TRAPPC6B: variants seen among roughly 807,000 people sequenced by gnomAD.
TRAPPC6B encodes TRAPP complex subunit 6B.
Under a neutral mutation model 24.7 loss-of-function variants are expected in TRAPPC6B, and 27 were observed. The observed-to-expected ratio is 1.09, with a 90% CI of 0.81 to 1.51. The LOEUF is 1.51. Among genes scored for constraint, TRAPPC6B ranks in the 40% most tolerant of loss-of-function variants. TRAPPC6B has a pLI of 0.00. For missense variants in TRAPPC6B, 212 were observed against 190.8 expected (o/e 1.11, Z -0.66); for synonymous variants, 80 against 66.6 (o/e 1.20, Z -0.98).
chr14:39,154,209 A>T lies in TRAPPC6B; in HGVS notation c.351+2T>A. 6.2e-7 allele frequency: 1 copy of T among 1,602,062 alleles called. No homozygotes were observed. The highest frequency in any genetic ancestry group is 1.3e-5 in the African/African-American group (1 of 74,752). ...AACCCCAACTTCTATTCCATTAAAT[A>T]CCTTAGATGCATGTTCTAAATACTG... is the stretch of plus-strand genomic sequence containing the variant. On this transcript the variant is annotated splice_donor_variant, in intron 4 of 5. Transcript: ENST00000330149. LOFTEE classifies it high-confidence loss of function.
chr14:39,156,370 A>G lies in TRAPPC6B; in HGVS notation c.267+1915T>C, dbSNP rs188838913. On this transcript the variant is annotated intron_variant, in intron 3 of 5. Coordinates refer to ENST00000330149, the MANE Select transcript of TRAPPC6B (RefSeq NM_001079537.2). Reference sequence around the variant, plus strand: ...TTATCCTATTGAGAGTACCAGATACATTTAATTTTTTACTTAATCAAAATT... The same window carrying G: ...TTATCCTATTGAGAGTACCAGATACGTTTAATTTTTTACTTAATCAAAATT... Among the ~76,000 whole-genome samples the G allele has an allele frequency of 6.6e-5, 10 of 152,340 alleles. No homozygotes were observed. In the East Asian group the frequency reaches 1.5e-3, roughly 23 times the overall value.
At chr14:39,151,985 A>G (rs1294933086) in intron 4 of TRAPPC6B, 146 bp from the exon 5 acceptor site, 1 of 604,346 alleles carries the variant, frequency 1.7e-6, no homozygotes, top group Non-Finnish European at 2.8e-6. Context: ...TTACTGAAAA[A>G]TATTGATATA....
chr14:39,164,308 C>T (rs115904468), intron 1 of TRAPPC6B, among the ~76,000 whole-genome samples: 4,564 of 152,110 alleles, frequency 0.03, 236 homozygotes, highest in African/African-American at 0.1. Flanking sequence ...TTTACCGACA[C>T]GGAAAAACCC....
chr14:39,157,325 G>A (rs552310790), intron 3 of TRAPPC6B: 4 of 361,244 alleles, frequency 1.1e-5, no homozygotes, highest in East Asian at 7.3e-5. Flanking sequence ...GCCCTGCACC[G>A]CCAAATAGCT....
intron 1 of TRAPPC6B, among the ~76,000 whole-genome samples, chr14:39,163,902 T>C (rs747388009): frequency 1.5e-4 from 23 of 150,904 alleles, no homozygotes; most frequent in Admixed American, 3.3e-4. Flanking sequence ...CTCCAAAATT[T>C]CCTAACTTCA....
In TRAPPC6B at chr14:39,156,028, A is replaced by G. The variant is rs1052756380; in HGVS notation, c.268-1734T>C. Among the ~76,000 whole-genome samples the G allele has an allele frequency of 7.2e-5, 11 of 152,122 alleles. No individual in the cohort carries two copies. The East Asian group carries it at 2.1e-3, about 29-fold the overall frequency. On this transcript the variant is annotated intron_variant, in intron 3 of 5. Transcript: ENST00000330149. Reference sequence around the variant, plus strand: ...GGCTGGTCTCCAACTCCTGAGCTCAAGCAATCCTTCTGCCTCAGCCTCCCA... The same window carrying G: ...GGCTGGTCTCCAACTCCTGAGCTCAGGCAATCCTTCTGCCTCAGCCTCCCA...
Position 39,151,776 on chromosome 14 carries a change from C to A in TRAPPC6B, c.415G>T (p.Val139Leu), listed in dbSNP as rs971834486. 19 of 1,607,688 alleles carry A rather than the reference C, an allele frequency of 1.2e-5. No homozygotes were observed. Among genetic ancestry groups the A allele is most frequent in the African/African-American group, 2.7e-5 (2 of 74,440 alleles). Residue 139 changes from valine to leucine, a missense_variant, in exon 5 of 6, where the codon GTA (valine) becomes TTA (leucine). By Grantham distance (32) the Val-to-Leu change is conservative (BLOSUM62 1). Coordinates refer to ENST00000330149, the MANE Select transcript of TRAPPC6B (RefSeq NM_001079537.2). Reference sequence around the variant, plus strand: ...GGCATTGAAGACACTTCAGCTGTTACAATACTTTTTATTCCCAAGTTTGAT... The same window carrying A: ...GGCATTGAAGACACTTCAGCTGTTAAAATACTTTTTATTCCCAAGTTTGAT... The part of the protein sequence containing the change: ...GLSNLGIKSI[V>L]TAEVSSMPAC...
At chr14:39,168,868 A>C (rs2053135808) in intron 1 of TRAPPC6B, among the ~76,000 whole-genome samples, 1 of 152,180 alleles carries the variant, frequency 6.6e-6, no homozygotes, top group Non-Finnish European at 1.5e-5. Flanking sequence ...TCTCTAGCCC[A>C]AACACTGGAT....
At position 39,154,264 on chromosome 14, in the gene TRAPPC6B, G is replaced by T. The variant is rs200536399; in HGVS notation, c.298C>A (p.Arg100Ser). ...CCTGCAGACATCTGAGTAAGCAGGC[G>T]AAATTTGTTGTCCTGAAGTACATAG... is the stretch of plus-strand genomic sequence containing the variant. ...GIYVLQDNKF[R>S]LLTQMSAGKQ... Residue 100 changes from arginine to serine, a missense_variant, in exon 4 of 6, where the codon CGC becomes AGC. By Grantham distance (110) the Arg-to-Ser change is moderately radical (BLOSUM62 -1). Transcript: ENST00000330149. The T allele has an allele frequency of 1.1e-5, 18 of 1,613,084 alleles. No individual in the cohort carries two copies. The highest frequency in any genetic ancestry group is 1.7e-4 in the Middle Eastern group (1 of 6,058).
At chr14:39,161,484 A>G (rs1339402847) in intron 1 of TRAPPC6B, among the ~76,000 whole-genome samples, 1 of 152,194 alleles carries the variant, frequency 6.6e-6, no homozygotes, top group Non-Finnish European at 1.5e-5. Flanking sequence ...CATTCATCCC[A>G]AAAGACGGAA....
Position 39,170,012 on chromosome 14 carries a change from C to T in TRAPPC6B, c.81+3G>A. On this transcript the variant is annotated splice_donor_region_variant and intron_variant, in intron 1 of 5. Coordinates refer to ENST00000330149, the MANE Select transcript of TRAPPC6B (RefSeq NM_001079537.2). ...GACCTCAAGGTTGTGTGGCAGCACT[C>T]ACCACCTCCCCCTGCTCCGCGGACT... 1 of 1,614,102 alleles carries T rather than the reference C, an allele frequency of 6.2e-7. No individual in the cohort carries two copies. Among genetic ancestry groups the T allele is most frequent in the Non-Finnish European group, 8.5e-7 (1 of 1,179,992 alleles).
chr14:39,164,220 G>A (rs1412218284), intron 1 of TRAPPC6B, among the ~76,000 whole-genome samples: 1 of 152,144 alleles, frequency 6.6e-6, no homozygotes, highest in African/African-American at 2.4e-5. Context: ...TCTCGGCCGG[G>A]CATGATGGCT....
intron 1 of TRAPPC6B, among the ~76,000 whole-genome samples, chr14:39,160,083 C>G (rs922001781): frequency 2.6e-5 from 4 of 151,968 alleles, no homozygotes; most frequent in African/African-American, 9.7e-5. Context: ...CTGCCTTGGC[C>G]TCCCAAAGTG....
At chr14:39,165,014 C>A (rs987636577) in intron 1 of TRAPPC6B, among the ~76,000 whole-genome samples, 2 of 151,984 alleles carry the variant, frequency 1.3e-5, no homozygotes, top group Admixed American at 6.6e-5. Context: ...TGTCTCCCTG[C>A]CTTTTTATGT....
intron 3 of TRAPPC6B, chr14:39,157,750 G>A (rs955592161): frequency 2.1e-5 from 5 of 234,880 alleles, no homozygotes; most frequent in Admixed American, 9.8e-5. Context: ...CAGACAAAAC[G>A]AAATCCACTG....
chr14:39,159,605 T>G (rs1353082367), intron 1 of TRAPPC6B, 55 bp from the exon 2 acceptor site: 2 of 1,327,714 alleles, frequency 1.5e-6, no homozygotes, highest in Non-Finnish European at 2.1e-6. Flanking sequence ...ATGTTAGTAT[T>G]CAGAAATTGT....
chr14:39,157,255 C>T, intron 3 of TRAPPC6B: 2 of 367,496 alleles, frequency 5.4e-6, no homozygotes, highest in South Asian at 4.9e-5. Context: ...GTTGCAGTGG[C>T]ACAAAGCCAT....
At chr14:39,158,430 G>T (rs1292054997) in intron 2 of TRAPPC6B, 28 bp from the exon 3 acceptor site, 4 of 1,302,428 alleles carry the variant, frequency 3.1e-6, no homozygotes, top group East Asian at 2.4e-5. Context: ...AAGTAATACA[G>T]TATTTCTCCT....
intron 3 of TRAPPC6B, among the ~76,000 whole-genome samples, chr14:39,156,520 G>A (rs979114197): frequency 2.0e-5 from 3 of 152,034 alleles, no homozygotes; most frequent in African/African-American, 7.2e-5. Flanking sequence ...CTTGAGTCCA[G>A]GAGCTCAAGA....
Sources: gnomAD v4.1 joint callset for allele counts (sites outside exome capture counted in the v4.1 genomes callset) on GRCh38, gnomAD v4.1.1 for gene constraint, MANE v1.5 for transcripts, NCBI Gene and HGNC (gene_info 2026-07-23, HGNC 2026-07-21) for gene names.